Variants in ACCSL observed in about 807,000 individuals in gnomAD.
The protein encoded by ACCSL is probable inactive 1-aminocyclopropane-1-carboxylate synthase-like protein 2.
In ACCSL, 55 loss-of-function variants were observed where a neutral mutation model predicts 61.7. The ratio of observed to expected loss-of-function variants is 0.89; its 90% CI spans 0.72 to 1.12. ACCSL has a LOEUF of 1.12. Among genes scored for constraint, ACCSL ranks in the 50% most tolerant of loss-of-function variants. The pLI is 0.00. For synonymous variants in ACCSL, 258 were observed against 264.3 expected (o/e 0.98, Z 0.23); for missense variants, 632 against 698.0 (o/e 0.91, Z 1.07).
intron 13 of ACCSL, among the ~76,000 whole-genome samples, chr11:44,059,633 C>T (rs557020885): frequency 1.1e-4 from 17 of 152,290 alleles, no homozygotes; most frequent in African/African-American, 3.9e-4. Flanking sequence ...TGAGATGTCT[C>T]GCAGGCTGAC....
At chr11:43,967,028 C>T in the ACCSL span, among the ~76,000 whole-genome samples, 2 of 151,960 alleles carry the variant, frequency 1.3e-5, no homozygotes, top group African/African-American at 4.8e-5. Context: ...CATTCTATCT[C>T]ATTATATTCA....
chr11:43,972,386 A>G, the ACCSL span, among the ~76,000 whole-genome samples: 3 of 152,302 alleles, frequency 2.0e-5, no homozygotes, highest in East Asian at 5.8e-4. Context: ...GAAACCCATG[A>G]AAGGGGACTC....
chr11:43,933,290 T>TC, the ACCSL span: 1 of 407,714 alleles, frequency 2.5e-6, no homozygotes, highest in African/African-American at 2.1e-5. Flanking sequence ...AGTGTCCCTG[T>TC]CCACATATGA....
chr11:44,047,028 A>C (rs754911554), upstream of ACCSL, among the ~76,000 whole-genome samples: 1 of 152,178 alleles, frequency 6.6e-6, no homozygotes, highest in African/African-American at 2.4e-5. Context: ...CCAAAAAAAA[A>C]CAAAAACAAA....
At chr11:43,924,885 A>G in the ACCSL span, 1 of 154,856 alleles carries the variant, frequency 6.5e-6, no homozygotes, top group African/African-American at 2.4e-5. Flanking sequence ...GGCCGTTCAA[A>G]TGGGCAGAAC....
chr11:44,051,196 G>A (rs1952635863), intron 3 of ACCSL, 139 bp from the exon 4 acceptor site: 1 of 836,704 alleles, frequency 1.2e-6, no homozygotes, highest in Non-Finnish European at 2.0e-6. Context: ...TTGGGGAGTT[G>A]ATGGTCTTAG....
At chr11:43,925,466 G>C in the ACCSL span, 7 of 456,178 alleles carry the variant, frequency 1.5e-5, no homozygotes, top group African/African-American at 1.0e-4. Flanking sequence ...CCCTGCTGCA[G>C]CTTGAGGTAG....
the ACCSL span, among the ~76,000 whole-genome samples, chr11:44,038,448 A>G: frequency 6.6e-6 from 1 of 152,212 alleles, no homozygotes; most frequent in Non-Finnish European, 1.5e-5. Flanking sequence ...AGGTGATAAA[A>G]GAGCTTAGAC....
chr11:44,031,120 C>T, the ACCSL span, among the ~76,000 whole-genome samples: 1 of 152,148 alleles, frequency 6.6e-6, no homozygotes, highest in African/African-American at 2.4e-5. Context: ...CTCTTTGAGA[C>T]TCATGTCCTC....
the ACCSL span, among the ~76,000 whole-genome samples, chr11:43,955,925 TA>T: frequency 6.6e-6 from 1 of 151,794 alleles, no homozygotes; most frequent in East Asian, 2.0e-4. Context: ...CAGGAATGAC[TA>T]AGGGCAGTCT....
At chr11:43,947,288 C>G in the ACCSL span, 2 of 152,264 alleles carry the variant, frequency 1.3e-5, no homozygotes, top group South Asian at 4.1e-4. Context: ...CCTTATGACC[C>G]AAACGCTTCT....
the ACCSL span, among the ~76,000 whole-genome samples, chr11:43,992,303 T>C: frequency 6.6e-6 from 1 of 152,184 alleles, no homozygotes; most frequent in Non-Finnish European, 1.5e-5. Flanking sequence ...TCCCCGCCTC[T>C]CCTGAAGTGT....
rs753310950 is a variant in ACCSL, at chr11:44,053,080, A to G, written c.948+12A>G. 5 of 1,611,830 alleles carry G rather than the reference A, an allele frequency of 3.1e-6. No individual in the cohort carries two copies. The highest frequency in any genetic ancestry group is 3.4e-6 in the Non-Finnish European group (4 of 1,178,000). ...AAGCTAGGCTTGAGGTAAGGTGGGA[A>G]CCATATTTTTAGGATGGCCACTGCT... is the stretch of plus-strand genomic sequence containing the variant. On this transcript the variant is annotated intron_variant, in intron 7 of 13. Coordinates refer to ENST00000378832, the MANE Select transcript of ACCSL (RefSeq NM_001031854.2).
the ACCSL span, among the ~76,000 whole-genome samples, chr11:43,978,802 T>G: frequency 6.8e-6 from 1 of 147,418 alleles, no homozygotes. Flanking sequence ...TTTTTTTTTT[T>G]TTTTTTTTTT....
rs1292208247 is a variant in ACCSL at position 44,053,478 on chromosome 11, C to T, written c.1021C>T (p.Leu341=). 6.2e-7 allele frequency: 1 copy of T among 1,614,166 alleles called. No homozygotes were observed. The highest frequency in any genetic ancestry group is 1.3e-5 in the African/African-American group (1 of 75,038). ...GGGTGACATCTACTCCCCAGACTCA[C>T]TGATGAAATACCTGGAATTTGCCAA... The part of the protein sequence containing the change: ...PLGDIYSPDS[L]MKYLEFAKRY... Residue 341 remains leucine, a synonymous_variant, in exon 8 of 14, where the codon CTG becomes TTG. Coordinates refer to ENST00000378832, the MANE Select transcript of ACCSL (RefSeq NM_001031854.2).
chr11:44,025,200 T>G, the ACCSL span, among the ~76,000 whole-genome samples: 1 of 152,198 alleles, frequency 6.6e-6, no homozygotes, highest in South Asian at 2.1e-4. Flanking sequence ...CTTGCCATTT[T>G]GTTATTTGTT....
At chr11:44,016,304 T>C in the ACCSL span, among the ~76,000 whole-genome samples, 2 of 152,148 alleles carry the variant, frequency 1.3e-5, no homozygotes, top group African/African-American at 4.8e-5. Flanking sequence ...GCAGTATTGC[T>C]GGCCGGCTTA....
At chr11:44,033,945 C>T in the ACCSL span, among the ~76,000 whole-genome samples, 3 of 146,794 alleles carry the variant, frequency 2.0e-5, no homozygotes, top group Admixed American at 6.9e-5. Flanking sequence ...TGCAGGAGCC[C>T]GAGAAAGAAG....
chr11:44,024,437 CTCTCTGTG>C, the ACCSL span, among the ~76,000 whole-genome samples: 576 of 74,924 alleles, frequency 7.7e-3, 2 homozygotes, highest in Admixed American at 0.012. Context: ...CTCTCTCTCT[CTCTCTGTG>C]TGTGTGTGTG....
Sources: allele counts gnomAD v4.1 joint callset (sites outside exome capture counted in the v4.1 genomes callset), GRCh38; gene constraint gnomAD v4.1.1; transcripts MANE v1.5; gene names NCBI Gene and HGNC (gene_info 2026-07-23, HGNC 2026-07-21).